Variants in SEPTIN11 observed in about 807,000 individuals in gnomAD.
SEPTIN11 encodes the protein septin 11.
In SEPTIN11, 25 loss-of-function variants were observed where a neutral mutation model predicts 51.4. The observed-to-expected ratio is 0.49, with a 90% CI of 0.35 to 0.68. SEPTIN11 has a LOEUF of 0.68. SEPTIN11 is among the 30% of genes least tolerant of loss of function. The probability of loss-of-function intolerance (pLI) is 0.00; values close to 1 mark genes in which losing one functional copy is unlikely to be tolerated. For synonymous variants in SEPTIN11, 174 were observed against 184.1 expected (o/e 0.95, Z 0.44); for missense variants, 381 against 520.8 (o/e 0.73, Z 2.61).
At chr4:76,977,148 ATG>A (rs749067669) in intron 1 of SEPTIN11, among the ~76,000 whole-genome samples, 4 of 152,296 alleles carry the variant, frequency 2.6e-5, no homozygotes, top group East Asian at 3.9e-4. Flanking sequence ...AGTAAATAAT[ATG>A]TGACTTTGAA....
At position 77,036,881 on chromosome 4, in the gene SEPTIN11, C is replaced by A; in HGVS notation, c.*2369C>A. The A allele has an allele frequency of 7.2e-7, 1 of 1,396,750 alleles. No homozygotes were observed. The highest frequency in any genetic ancestry group is 9.2e-7 in the Non-Finnish European group (1 of 1,081,874). 86.5% of individuals were successfully genotyped at this position (1,396,750 alleles called of 1,614,324 possible). On this transcript the variant is annotated 3_prime_UTR_variant, in exon 10 of 10. Transcript: ENST00000264893. ...AACCTTTGAGATCTTTCTGACTTTT[C>A]AAAATTAGAGAAAGCAAATGGGATG...
At chr4:76,989,872 G>T (rs542644370) in intron 1 of SEPTIN11, among the ~76,000 whole-genome samples, 2 of 152,212 alleles carry the variant, frequency 1.3e-5, no homozygotes, top group Non-Finnish European at 2.9e-5. Flanking sequence ...GTTTGTGTAA[G>T]TGTATCTGGA....
At position 77,024,326 on chromosome 4, in the gene SEPTIN11, A is replaced by G. The variant is rs1408704298; in HGVS notation, c.953+3656A>G. ...CATTCATCTGCTCTTTCCCAAGCCCATCTTTATCCGCCCCCTGTGCATGCC... is the reference window on the plus strand; with the variant it reads ...CATTCATCTGCTCTTTCCCAAGCCCGTCTTTATCCGCCCCCTGTGCATGCC... On this transcript the variant is annotated intron_variant, in intron 7 of 9. Transcript: ENST00000264893. The surrounding 1 kb of genome is among the most constrained non-coding windows in gnomAD (Gnocchi z 4.2). Among the ~76,000 whole-genome samples, 2 of 151,968 alleles carry G rather than the reference A, an allele frequency of 1.3e-5. No individual in the cohort carries two copies. Among genetic ancestry groups the G allele is most frequent in the Non-Finnish European group, 2.9e-5 (2 of 67,988 alleles).
At position 77,024,563 on chromosome 4, in the gene SEPTIN11, A is replaced by C. The variant is rs1373018091; in HGVS notation, c.953+3893A>C. ...CGCTTTTCCTAACAGTACCTGCCCA[A>C]GCTGCTCCCATCTCACCTCAGAACA... is the stretch of plus-strand genomic sequence containing the variant. On this transcript the variant is annotated intron_variant, in intron 7 of 9. Transcript: ENST00000264893. This position sits in a 1 kb window ranked among gnomAD's most constrained non-coding sequence, Gnocchi z 4.2. Among the ~76,000 whole-genome samples the C allele has an allele frequency of 1.3e-5, 2 of 152,086 alleles. No individual in the cohort carries two copies. Among genetic ancestry groups the C allele is most frequent in the Non-Finnish European group, 2.9e-5 (2 of 67,998 alleles).
At chr4:76,981,174 A>G (rs1722753154) in intron 1 of SEPTIN11, among the ~76,000 whole-genome samples, 1 of 152,198 alleles carries the variant, frequency 6.6e-6, no homozygotes, top group Non-Finnish European at 1.5e-5. Context: ...TGGGATTTAT[A>G]ACGGATTGTT....
At chr4:77,016,655 T>TATATACACAC (rs1553975019) in intron 5 of SEPTIN11, among the ~76,000 whole-genome samples, 1 of 109,024 alleles carries the variant, frequency 9.2e-6, no homozygotes, top group African/African-American at 3.3e-5. Context: ...TATATATATA[T>TATATACACAC]ACACATATAT....
At chr4:76,950,528 TGTG>T in intron 1 of SEPTIN11, among the ~76,000 whole-genome samples, 1 of 152,100 alleles carries the variant, frequency 6.6e-6, no homozygotes, top group Middle Eastern at 3.2e-3. Flanking sequence ...GAGGCTCCCT[TGTG>T]GTGTGGGTGG....
chr4:77,011,691 T>C (rs753849463), intron 3 of SEPTIN11, 44 bp from the exon 4 acceptor site: 41 of 1,568,416 alleles, frequency 2.6e-5, no homozygotes, highest in Non-Finnish European at 3.2e-5. Context: ...GATTGTCCTG[T>C]GAAAGAGGTT....
intron 4 of SEPTIN11, 127 bp from the exon 5 acceptor site, chr4:77,014,729 A>T (rs933609114): frequency 3.3e-6 from 3 of 898,156 alleles, no homozygotes; most frequent in Non-Finnish European, 5.1e-6. Context: ...ATGTTTTGAT[A>T]TAAGTAGGAA....
At chr4:76,994,417 T>A (rs1375416083) in intron 1 of SEPTIN11, among the ~76,000 whole-genome samples, 2 of 152,252 alleles carry the variant, frequency 1.3e-5, no homozygotes, top group Non-Finnish European at 2.9e-5. Context: ...GTTGGAAGGC[T>A]TGCCCAGCTA....
intron 1 of SEPTIN11, chr4:76,974,597 G>A (rs1036456712): frequency 4.2e-5 from 16 of 382,048 alleles, no homozygotes; most frequent in Admixed American, 9.6e-5. Flanking sequence ...GAACTAAGGC[G>A]TTCTAGATAG....
At chr4:76,987,027 T>G (rs1331108883) in intron 1 of SEPTIN11, among the ~76,000 whole-genome samples, 3 of 152,198 alleles carry the variant, frequency 2.0e-5, no homozygotes, top group Non-Finnish European at 4.4e-5. Flanking sequence ...TGGAGAAAGT[T>G]ACTTGGAGAT....
chr4:76,968,541 A>C (rs1481332935), intron 1 of SEPTIN11, among the ~76,000 whole-genome samples: 1 of 152,190 alleles, frequency 6.6e-6, no homozygotes, highest in East Asian at 1.9e-4. Flanking sequence ...TATTTAGAAA[A>C]CATCTTTCTA....
intron 1 of SEPTIN11, among the ~76,000 whole-genome samples, chr4:76,994,900 CTTT>C (rs55728971): frequency 1.6e-4 from 9 of 54,874 alleles, no homozygotes; most frequent in African/African-American, 4.0e-4. Flanking sequence ...CTGTACAAAG[CTTT>C]TTTTTTTTTT....
chr4:76,982,867 G>A (rs1235986740), intron 1 of SEPTIN11, among the ~76,000 whole-genome samples: 1 of 152,114 alleles, frequency 6.6e-6, no homozygotes, highest in African/African-American at 2.4e-5. Context: ...TAGCCTGAGA[G>A]GGATCTAGTT....
chr4:76,991,758 T>C (rs1306640353), intron 1 of SEPTIN11, among the ~76,000 whole-genome samples: 2 of 152,202 alleles, frequency 1.3e-5, no homozygotes, highest in African/African-American at 4.8e-5. Context: ...TAGTCCTACA[T>C]TTACATCTGT....
intron 1 of SEPTIN11, among the ~76,000 whole-genome samples, chr4:76,953,571 G>A (rs1482756683): frequency 1.3e-5 from 2 of 152,118 alleles, no homozygotes; most frequent in Non-Finnish European, 2.9e-5. Context: ...TGGTCGGTGT[G>A]CCTGGAGAAA....
At chr4:77,003,271 A>G (rs1578169494) in intron 2 of SEPTIN11, among the ~76,000 whole-genome samples, 1 of 152,208 alleles carries the variant, frequency 6.6e-6, no homozygotes, top group African/African-American at 2.4e-5. Flanking sequence ...GGACCTAGCC[A>G]TGGTCTGGTT....
At chr4:76,963,145 T>C (rs1212475840) in intron 1 of SEPTIN11, among the ~76,000 whole-genome samples, 1 of 152,218 alleles carries the variant, frequency 6.6e-6, no homozygotes, top group Admixed American at 6.5e-5. Flanking sequence ...ACTTAACAAA[T>C]TTGAAGTTGA....
Sources: allele counts gnomAD v4.1 joint callset (sites outside exome capture counted in the v4.1 genomes callset), GRCh38; gene constraint gnomAD v4.1.1; non-coding constraint Gnocchi (gnomAD v3.1); transcripts MANE v1.5; gene names NCBI Gene and HGNC (gene_info 2026-07-23, HGNC 2026-07-21).